OTOGL: variants seen among roughly 807,000 people sequenced by gnomAD.
The protein encoded by OTOGL is otogelin like.
OTOGL carries 285 observed loss-of-function variants against 318.5 expected under a neutral mutation model. That is an observed-to-expected ratio of 0.89 (90% CI 0.81 to 0.99). The LOEUF (loss-of-function observed/expected upper bound fraction) is 0.99, where lower values mean the gene tolerates loss of function less well. OTOGL is among the 50% of genes least tolerant of loss of function. The pLI, the probability that OTOGL is intolerant of heterozygous loss-of-function variation, is 0.00. For synonymous variants in OTOGL, 987 were observed against 936.5 expected (o/e 1.05, Z -0.99); for missense variants, 2,899 against 2,845.6 (o/e 1.02, Z -0.43).
At chr12:80,307,843 A>T (rs1886289492) in intron 29 of OTOGL, among the ~76,000 whole-genome samples, 2 of 131,196 alleles carry the variant, frequency 1.5e-5, no homozygotes, top group Admixed American at 1.5e-4. Flanking sequence ...CACCTCCCGG[A>T]CAGGGCGGCT....
chr12:80,156,142 C>T (rs915638561), intron 1 of OTOGL, among the ~76,000 whole-genome samples: 2 of 152,330 alleles, frequency 1.3e-5, no homozygotes, highest in Middle Eastern at 3.4e-3. Flanking sequence ...AAGGCAGACC[C>T]TATCCTCAAT....
rs979985360 is a variant in OTOGL, at chr12:80,310,703, T to C, written c.3426T>C (p.Asp1142=). The C allele has an allele frequency of 5.0e-6, 8 of 1,586,820 alleles. No homozygotes were observed. The highest frequency in any genetic ancestry group is 6.0e-6 in the Non-Finnish European group (7 of 1,168,312). ...AKKECSILYS[D]IFASCRNVID... ...AAGAATGCTCCATTTTGTACAGTGA[T>C]ATTTTTGCTTCTTGTCGCAATGTGG... Residue 1142 remains aspartate (D), a synonymous_variant, in exon 30 of 59, where the codon GAT becomes GAC. Transcript: ENST00000547103.
intron 1 of OTOGL, among the ~76,000 whole-genome samples, chr12:80,147,092 G>A (rs1344630101): frequency 2.6e-5 from 4 of 151,402 alleles, no homozygotes; most frequent in Admixed American, 1.3e-4. Flanking sequence ...CTTGCCTTCT[G>A]CTAGCTTTTG....
intron 11 of OTOGL, among the ~76,000 whole-genome samples, chr12:80,241,993 A>G (rs1291763506): frequency 1.3e-5 from 2 of 152,180 alleles, no homozygotes; most frequent in Non-Finnish European, 2.9e-5. Flanking sequence ...AGTTTCATGC[A>G]TGCTTCCACT....
intron 35 of OTOGL, among the ~76,000 whole-genome samples, chr12:80,324,681 T>C (rs1887564812): frequency 6.6e-6 from 1 of 152,054 alleles, no homozygotes; most frequent in Admixed American, 6.6e-5. Flanking sequence ...ATGAAGGGGA[T>C]TTGACCAGGT....
intron 57 of OTOGL, among the ~76,000 whole-genome samples, chr12:80,374,189 T>C (rs1045987373): frequency 6.6e-6 from 1 of 152,174 alleles, no homozygotes; most frequent in Non-Finnish European, 1.5e-5. Context: ...GCTCCAAACC[T>C]CTTTCCTTGG....
intron 35 of OTOGL, among the ~76,000 whole-genome samples, chr12:80,325,832 G>A (rs1483884014): frequency 1.3e-5 from 2 of 152,114 alleles, no homozygotes; most frequent in Admixed American, 6.5e-5. Context: ...GGAGGACATT[G>A]AGCCATATTT....
In OTOGL at chr12:80,372,056, G is replaced by T. The variant is rs1592454608; in HGVS notation, c.6773G>T (p.Cys2258Phe). Residue 2258 changes from cysteine (C) to phenylalanine (F), a missense_variant, in exon 57 of 59, where the codon TGC (cysteine) becomes TTC (phenylalanine). Around this residue, in one of 3 missense-constraint regions of OTOGL, gnomAD observed 289 missense variants for 304.6 expected, o/e 0.95. Coordinates refer to ENST00000547103, the MANE Select transcript of OTOGL (RefSeq NM_001378609.3). ...GIVKLYNEGC[C>F]KICKREERIC... is the part of the protein sequence containing the mutation. The stretch of plus-strand genomic sequence containing the variant: ...GTGAAGCTTTATAATGAAGGCTGTT[G>T]CAAGATCTGTAAGTGAGAGCATATT... The T allele has an allele frequency of 6.4e-7, 1 of 1,551,412 alleles. No homozygotes were observed.
chr12:80,322,983 C>T (rs547350468), intron 34 of OTOGL, among the ~76,000 whole-genome samples: 52 of 152,126 alleles, frequency 3.4e-4, no homozygotes, highest in African/African-American at 1.2e-3. Flanking sequence ...ATAATATCTA[C>T]TTAATAGGGT....
intron 20 of OTOGL, 32 bp from the exon 21 acceptor site, chr12:80,266,419 A>G (rs767034320): frequency 3.1e-6 from 5 of 1,609,542 alleles, no homozygotes; most frequent in Non-Finnish European, 4.2e-6. Context: ...TGCCATGGCA[A>G]TCTTTCTCAA....
chr12:80,228,126 T>G (rs1371905256), intron 7 of OTOGL, among the ~76,000 whole-genome samples: 1 of 152,082 alleles, frequency 6.6e-6, no homozygotes, highest in Non-Finnish European at 1.5e-5. Flanking sequence ...TAATATACAT[T>G]AAATTACTAC....
chr12:80,249,735 T>C (rs918182496), intron 11 of OTOGL, among the ~76,000 whole-genome samples: 12 of 152,306 alleles, frequency 7.9e-5, no homozygotes, highest in Admixed American at 2.6e-4. Flanking sequence ...TAAGGAAGCC[T>C]GGGCGATGGC....
chr12:80,365,957 G>T (rs117088845), intron 52 of OTOGL, among the ~76,000 whole-genome samples: 2,968 of 152,216 alleles, frequency 0.019, 43 homozygotes, highest in Non-Finnish European at 0.03. Context: ...GGCAAAGTTT[G>T]AGCATCTGTC....
chr12:80,191,931 G>A (rs913061505), intron 1 of OTOGL, among the ~76,000 whole-genome samples: 11 of 152,138 alleles, frequency 7.2e-5, no homozygotes, highest in Admixed American at 4.6e-4. Flanking sequence ...AATTCTAAGC[G>A]ATATTTCATT....
At chr12:80,181,918 C>A (rs1874950641) in intron 1 of OTOGL, among the ~76,000 whole-genome samples, 1 of 152,066 alleles carries the variant, frequency 6.6e-6, no homozygotes, top group Admixed American at 6.6e-5. Context: ...AATCCTAGCA[C>A]TTTGGGAGGC....
chr12:80,181,589 G>A (rs941564386), intron 1 of OTOGL, among the ~76,000 whole-genome samples: 14 of 151,990 alleles, frequency 9.2e-5, no homozygotes, highest in Admixed American at 7.2e-4. Flanking sequence ...TTGTACCGTT[G>A]GAGTATCATA....
At chr12:80,334,621 A>G (rs1032132712) in intron 38 of OTOGL, among the ~76,000 whole-genome samples, 6 of 152,138 alleles carry the variant, frequency 3.9e-5, no homozygotes, top group Non-Finnish European at 7.4e-5. Context: ...AACCAGAGAA[A>G]TAGGAGAAAA....
At chr12:80,362,854 A>G (rs1462781528) in intron 52 of OTOGL, among the ~76,000 whole-genome samples, 1 of 150,062 alleles carries the variant, frequency 6.7e-6, no homozygotes, top group Non-Finnish European at 1.5e-5. Flanking sequence ...ATGCTGAAAA[A>G]TAATGACCAT....
rs771696788 is a variant in OTOGL, at chr12:80,355,744, G to A, written c.5602G>A (p.Asp1868Asn). 14 of 1,612,702 alleles carry A rather than the reference G, an allele frequency of 8.7e-6. No individual in the cohort carries two copies. Among genetic ancestry groups the A allele is most frequent in the Non-Finnish European group, 1.1e-5 (13 of 1,179,142 alleles). ...CIPEKECACT[D>N]SEDQPRTAGE... ...CTGTTGATCTTTTTAAGCATGCACT[G>A]ATAGTGAAGACCAACCCCGCACTGC... Residue 1868 changes from aspartate to asparagine, a missense_variant, in exon 47 of 59, where the codon GAT becomes AAT. Asp to Asn is a conservative substitution (Grantham distance 23, BLOSUM62 1). Coordinates refer to ENST00000547103, the MANE Select transcript of OTOGL (RefSeq NM_001378609.3).
Sources: allele counts gnomAD v4.1 joint callset (sites outside exome capture counted in the v4.1 genomes callset), GRCh38; gene constraint gnomAD v4.1.1; regional missense constraint gnomAD v4.1.1; transcripts MANE v1.5; gene names NCBI Gene and HGNC (gene_info 2026-07-23, HGNC 2026-07-21).